EXOC6B: variants seen among roughly 807,000 people sequenced by gnomAD.
EXOC6B encodes the protein SEC15 homolog B.
EXOC6B carries 54 observed loss-of-function variants against 113.5 expected under a neutral mutation model. That is an observed-to-expected ratio of 0.48 (90% CI 0.38 to 0.60). The LOEUF (loss-of-function observed/expected upper bound fraction) is 0.60, where lower values mean the gene tolerates loss of function less well. EXOC6B is among the 20% of genes least tolerant of loss of function. The pLI is 0.00. For missense variants in EXOC6B, 797 were observed against 977.5 expected, an observed-to-expected ratio of 0.82 and a Z score of 2.46; for synonymous variants, 357 against 339.0, an observed-to-expected ratio of 1.05 and a Z score of -0.58.
intron 1 of EXOC6B, among the ~76,000 whole-genome samples, chr2:72,801,374 A>T (rs980052053): frequency 6.6e-6 from 1 of 152,242 alleles, no homozygotes; most frequent in African/African-American, 2.4e-5. Flanking sequence ...TAAGTCAAAA[A>T]ATGTAGAGAC....
chr2:72,566,018 T>C (rs544784239), intron 7 of EXOC6B, among the ~76,000 whole-genome samples: 1 of 152,248 alleles, frequency 6.6e-6, no homozygotes, highest in South Asian at 2.1e-4. Flanking sequence ...TTTTGTTTTT[T>C]TTTTTAAGTT....
At chr2:72,432,255 C>T (rs1404195084) in intron 18 of EXOC6B, among the ~76,000 whole-genome samples, 4 of 152,062 alleles carry the variant, frequency 2.6e-5, no homozygotes, top group African/African-American at 9.7e-5. Flanking sequence ...AAGCTGGTCT[C>T]GAACTCCTGA....
At position 72,432,942 on chromosome 2, in the gene EXOC6B, C is replaced by T. The variant is rs140186170; in HGVS notation, c.1980+32218G>A. On this transcript the variant is annotated intron_variant, in intron 18 of 21. Transcript: ENST00000272427. The stretch of plus-strand genomic sequence containing the variant: ...GATCCCATTTGTCAATTTTGGCTTT[C>T]GTTGCAATTGCTTTTGGTGTTTTAG... 4.1e-3 allele frequency among the ~76,000 whole-genome samples: 620 copies of T among 152,186 alleles called. 13 individuals carry two copies. The highest frequency in any genetic ancestry group is 0.014 in the African/African-American group (602 of 41,528).
chr2:72,507,637 CT>C (rs1405622063), intron 11 of EXOC6B, among the ~76,000 whole-genome samples: 1 of 152,028 alleles, frequency 6.6e-6, no homozygotes, highest in East Asian at 1.9e-4. Context: ...TCTTTAATCC[CT>C]AAGCAACCAC....
At chr2:72,645,056 GACAC>G (rs1673591751) in intron 6 of EXOC6B, among the ~76,000 whole-genome samples, 1 of 152,026 alleles carries the variant, frequency 6.6e-6, no homozygotes, top group Non-Finnish European at 1.5e-5. Flanking sequence ...CACGTGCAGA[GACAC>G]ACACAGGCTC....
intron 6 of EXOC6B, among the ~76,000 whole-genome samples, chr2:72,648,187 C>T (rs1673883548): frequency 6.6e-6 from 1 of 152,208 alleles, no homozygotes; most frequent in African/African-American, 2.4e-5. Context: ...AAATGCTCAT[C>T]ATCACTGGTC....
intron 16 of EXOC6B, 90 bp downstream of exon 16, chr2:72,492,228 G>A (rs1176108675): frequency 1.2e-5 from 7 of 595,714 alleles, no homozygotes; most frequent in East Asian, 2.9e-5. Flanking sequence ...AGAGCATGTA[G>A]AAAGTTTTAA....
chr2:72,743,070 A>C (rs1160379033), intron 1 of EXOC6B, among the ~76,000 whole-genome samples: 6 of 152,166 alleles, frequency 3.9e-5, no homozygotes, highest in Non-Finnish European at 7.3e-5. Flanking sequence ...TCTAGGAATG[A>C]CTCCTAATCT....
Position 72,344,805 on chromosome 2 carries a change from GA to G in EXOC6B, c.2123-9786del, listed in dbSNP as rs201825707. ...TGTTTGGCTCCCAAATGGGGAAAAA[GA>G]AAAAAAAATGAAGAGAAGTAGGGGG... On this transcript the variant is annotated intron_variant, in intron 19 of 21. Coordinates refer to ENST00000272427, the MANE Select transcript of EXOC6B (RefSeq NM_015189.3). Among the ~76,000 whole-genome samples, 17 of 147,694 alleles carry G rather than the reference GA, an allele frequency of 1.2e-4. No individual in the cohort carries two copies. The East Asian group carries it at 2.8e-3, about 24-fold the overall frequency.
chr2:72,570,615 TA>T (rs1221539966), intron 7 of EXOC6B, among the ~76,000 whole-genome samples: 1 of 152,150 alleles, frequency 6.6e-6, no homozygotes, highest in Non-Finnish European at 1.5e-5. Flanking sequence ...CACTGTTCCT[TA>T]ACAGTTGGTA....
chr2:72,243,784 A>G lies in EXOC6B; in HGVS notation c.2197-59597T>C, dbSNP rs545581224. On this transcript the variant is annotated intron_variant, in intron 20 of 21. Transcript: ENST00000272427. ...AAACAAGAACAAAAACGAAAAAACA[A>G]AAGAAAATTATCAGGGATAAAGAGG... Among the ~76,000 whole-genome samples the G allele has an allele frequency of 2.0e-5, 3 of 152,322 alleles. No homozygotes were observed. The South Asian group carries it at 6.2e-4, about 32-fold the overall frequency.
At chr2:72,199,833 C>T (rs909479535) in intron 20 of EXOC6B, among the ~76,000 whole-genome samples, 1 of 152,124 alleles carries the variant, frequency 6.6e-6, no homozygotes, top group Non-Finnish European at 1.5e-5. Flanking sequence ...ACAAACATAC[C>T]ATTAGTCATC....
At chr2:72,560,207 T>C (rs1703816361) in intron 7 of EXOC6B, among the ~76,000 whole-genome samples, 1 of 152,040 alleles carries the variant, frequency 6.6e-6, no homozygotes, top group African/African-American at 2.4e-5. Flanking sequence ...CTAGTTTCAA[T>C]GCCAAAATTG....
chr2:72,664,085 A>G (rs1675215803), intron 6 of EXOC6B, among the ~76,000 whole-genome samples: 1 of 152,184 alleles, frequency 6.6e-6, no homozygotes, highest in Non-Finnish European at 1.5e-5. Context: ...AGGCAGGAAG[A>G]TGGTTTGAAC....
chr2:72,725,995 T>A (rs1320239434), intron 5 of EXOC6B, among the ~76,000 whole-genome samples: 1 of 152,096 alleles, frequency 6.6e-6, no homozygotes, highest in Non-Finnish European at 1.5e-5. Flanking sequence ...CATCAACTGA[T>A]GAAAAGGTAA....
At chr2:72,294,078 GAA>G (rs949247198) in intron 20 of EXOC6B, among the ~76,000 whole-genome samples, 1 of 130,080 alleles carries the variant, frequency 7.7e-6, no homozygotes, top group Admixed American at 7.7e-5. Context: ...TGGAACCAGT[GAA>G]AAAAAAAAAA....
intron 6 of EXOC6B, among the ~76,000 whole-genome samples, chr2:72,707,159 C>T (rs1296883311): frequency 6.6e-6 from 1 of 152,164 alleles, no homozygotes; most frequent in Non-Finnish European, 1.5e-5. Flanking sequence ...ACAGATTTTA[C>T]AAGCATAATA....
At chr2:72,741,005 G>A (rs1681282205) in intron 2 of EXOC6B, among the ~76,000 whole-genome samples, 1 of 152,070 alleles carries the variant, frequency 6.6e-6, no homozygotes, top group African/African-American at 2.4e-5. Flanking sequence ...TCGGGAGGCT[G>A]AGGCAGGAGA....
intron 18 of EXOC6B, among the ~76,000 whole-genome samples, chr2:72,435,132 C>A (rs759671660): frequency 1.3e-5 from 2 of 152,082 alleles, no homozygotes; most frequent in Non-Finnish European, 1.5e-5. Flanking sequence ...TTTCAAAGAA[C>A]TTATTTATTT....
Sources: allele counts gnomAD v4.1 joint callset (sites outside exome capture counted in the v4.1 genomes callset), GRCh38; gene constraint gnomAD v4.1.1; transcripts MANE v1.5; gene names NCBI Gene and HGNC (gene_info 2026-07-23, HGNC 2026-07-21).